The following PLBD1 variants were observed in gnomAD, a reference collection of about 807,000 sequenced individuals.
The protein encoded by PLBD1 is phospholipase B domain containing 1.
A neutral mutation model predicts 63.0 loss-of-function variants in PLBD1; 60 were observed. The ratio of observed to expected loss-of-function variants is 0.95; its 90% CI spans 0.77 to 1.18. PLBD1 has a LOEUF of 1.18. Ranked by LOEUF, PLBD1 falls within the 50% of genes most tolerant of loss-of-function variation. The pLI, the probability that PLBD1 is intolerant of heterozygous loss-of-function variation, is 0.00. For synonymous variants in PLBD1, 262 were observed against 248.0 expected, an observed-to-expected ratio of 1.06 and a Z score of -0.53; for missense variants, 598 against 677.9, an observed-to-expected ratio of 0.88 and a Z score of 1.31.
chr12:14,553,065 T>G, intron 2 of PLBD1, 128 bp downstream of exon 2: 1 of 852,514 alleles, frequency 1.2e-6, no homozygotes, highest in East Asian at 2.7e-5. Flanking sequence ...ATAATGTCTC[T>G]ATCACACATG....
intron 4 of PLBD1, among the ~76,000 whole-genome samples, chr12:14,538,889 G>A (rs1254090141): frequency 6.6e-6 from 1 of 152,116 alleles, no homozygotes; most frequent in African/African-American, 2.4e-5. Flanking sequence ...AGCCGGGCAT[G>A]GTGGCGCATG....
chr12:14,530,497 AAAAG>A (rs1300903596), intron 6 of PLBD1, among the ~76,000 whole-genome samples: 2 of 152,262 alleles, frequency 1.3e-5, no homozygotes, highest in African/African-American at 4.8e-5. Flanking sequence ...AACAACTGAA[AAAAG>A]AATAAAAAAC....
chr12:14,563,406 T>C lies in PLBD1; in HGVS notation c.115+4176A>G, dbSNP rs533302659. Among the ~76,000 whole-genome samples the C allele has an allele frequency of 3.3e-5, 5 of 152,100 alleles. No homozygotes were observed. In the East Asian group the frequency reaches 7.7e-4, roughly 23 times the overall value. ...TGGTGGTGCATGCCTGTATCCCAGT[T>C]ACTCGGGAGGCTGAGGCATGAGAAT... On this transcript the variant is annotated intron_variant, in intron 1 of 10. Transcript: ENST00000240617.
At chr12:14,549,602 C>A (rs1383453774) in intron 2 of PLBD1, among the ~76,000 whole-genome samples, 1 of 152,152 alleles carries the variant, frequency 6.6e-6, no homozygotes. Context: ...CACACATGGC[C>A]CCCATTTGCC....
chr12:14,556,700 A>G (rs556659127), intron 1 of PLBD1, among the ~76,000 whole-genome samples: 2 of 150,542 alleles, frequency 1.3e-5, no homozygotes, highest in South Asian at 4.2e-4. Context: ...AAGATTGTCT[A>G]TCAGCCAGGT....
intron 1 of PLBD1, among the ~76,000 whole-genome samples, chr12:14,563,962 G>A (rs1243328384): frequency 2.6e-5 from 4 of 152,238 alleles, no homozygotes; most frequent in Admixed American, 2.6e-4. Context: ...TCAGAGACCA[G>A]GTGCAGTGGC....
chr12:14,548,457 C>CAAAAAAA (rs56119793), intron 2 of PLBD1, among the ~76,000 whole-genome samples: 1 of 68,372 alleles, frequency 1.5e-5, no homozygotes, highest in African/African-American at 5.3e-5. Flanking sequence ...ACTCCATCTC[C>CAAAAAAA]AAAAAAAAAA....
At chr12:14,547,180 T>TTGTG (rs56182227) in intron 2 of PLBD1, among the ~76,000 whole-genome samples, 15,344 of 138,000 alleles carry the variant, frequency 0.11, 892 homozygotes, top group Middle Eastern at 0.14. Context: ...GCACCTGGCT[T>TTGTG]TGTGTGTGTG....
At chr12:14,517,041 A>G (rs1012675775) in intron 6 of PLBD1, among the ~76,000 whole-genome samples, 3 of 152,152 alleles carry the variant, frequency 2.0e-5, no homozygotes, top group Non-Finnish European at 2.9e-5. Context: ...GCCATCTCAA[A>G]CAAAAAAAAA....
At position 14,506,796 on chromosome 12, in the gene PLBD1, T is replaced by C. The variant is rs759699208; in HGVS notation, c.1372+137A>G. The C allele has an allele frequency of 4.7e-4, 314 of 665,926 alleles. 1 individual carries two copies. Among genetic ancestry groups the C allele is most frequent in the Middle Eastern group, 1.6e-3 (4 of 2,444 alleles). The allele number at this position is 665,926 out of a possible 1,614,324, so 41.3% of individuals were successfully genotyped here. On this transcript the variant is annotated intron_variant, in intron 9 of 10. Coordinates refer to ENST00000240617, the MANE Select transcript of PLBD1 (RefSeq NM_024829.6). ...AAAGCTCTATTTATTGAGTATAAAA[T>C]GTACAATATTAGTTAAATACTTAAA...
chr12:14,541,918 A>AC (rs1945575077), intron 3 of PLBD1, among the ~76,000 whole-genome samples: 1 of 152,204 alleles, frequency 6.6e-6, no homozygotes, highest in African/African-American at 2.4e-5. Flanking sequence ...TGAGGAACAG[A>AC]CCCAGGGACT....
intron 2 of PLBD1, among the ~76,000 whole-genome samples, chr12:14,547,858 TG>T (rs1236715270): frequency 1.3e-5 from 2 of 152,156 alleles, no homozygotes; most frequent in Non-Finnish European, 2.9e-5. Context: ...CATTTGTCTG[TG>T]GTAGCGGGGC....
rs143183040 is a variant in PLBD1 at position 14,542,242 on chromosome 12, G to T, written c.385C>A (p.Pro129Thr). 1,495 of 1,610,974 alleles carry T rather than the reference G, an allele frequency of 9.3e-4. 14 individuals are homozygous for T. The highest frequency in any genetic ancestry group is 1.0e-3 in the East Asian group (47 of 44,844). The change falls in exon 3 of 11, where the codon CCT (proline) becomes ACT (threonine). Residue 129 changes from proline (P) to threonine (T), a missense_variant. Coordinates refer to ENST00000240617, the MANE Select transcript of PLBD1 (RefSeq NM_024829.6). ...TCCTGCACTTTATCCATGATGGAAG[G>T]TTTCGTGATCAGCTGTGGGTAGAGG... ...TNLYPQLITK[P>T]SIMDKVQDFM...
intron 1 of PLBD1, among the ~76,000 whole-genome samples, chr12:14,565,642 G>A (rs147222671): frequency 6.6e-6 from 1 of 152,228 alleles, no homozygotes; most frequent in African/African-American, 2.4e-5. Context: ...GAGAACACAT[G>A]ACAAGTGAGA....
In PLBD1 at chr12:14,536,622, C is replaced by G. The variant is rs775873111; in HGVS notation, c.647G>C (p.Ser216Thr). 13 of 1,614,202 alleles carry G rather than the reference C, an allele frequency of 8.1e-6. No homozygotes were observed. Among genetic ancestry groups the G allele is most frequent in the Non-Finnish European group, 1.1e-5 (13 of 1,180,032 alleles). The change falls in exon 5 of 11, where the codon AGC (serine) becomes ACC (threonine). Residue 216 changes from serine (S) to threonine (T), a missense_variant. Coordinates refer to ENST00000240617, the MANE Select transcript of PLBD1 (RefSeq NM_024829.6). ...IPSLSPTKNG[S>T]LKVFKRWDMG... ...GTCCCATCTCTTAAAAACCTTTAGGCTGCCGTTTTTTGTGGGAGAGAGTGA... is the reference window on the plus strand; with the variant it reads ...GTCCCATCTCTTAAAAACCTTTAGGGTGCCGTTTTTTGTGGGAGAGAGTGA...
rs557078142 is a variant in PLBD1 at position 14,536,214 on chromosome 12, G to A, written c.699+356C>T. The A allele has an allele frequency of 8.7e-4, 204 of 234,196 alleles. 1 individual carries two copies. Among genetic ancestry groups the A allele is most frequent in the African/African-American group, 4.3e-3 (190 of 43,692 alleles). The allele number at this position is 234,196 out of a possible 1,614,324, so 14.5% of individuals were successfully genotyped here. ...CTCGGGAAGCTGAGGCAGGAGAATC[G>A]CTTGAACCTGGGAGGCAGAGGTTGC... On this transcript the variant is annotated intron_variant, in intron 5 of 10. Transcript: ENST00000240617.
chr12:14,553,083 C>T, intron 2 of PLBD1, 110 bp downstream of exon 2: 1 of 980,690 alleles, frequency 1.0e-6, no homozygotes, highest in Non-Finnish European at 1.6e-6. Flanking sequence ...ATGTGAACTC[C>T]AGCTACTCTT....
chr12:14,556,570 G>A (rs1409185821), intron 1 of PLBD1, among the ~76,000 whole-genome samples: 1 of 151,676 alleles, frequency 6.6e-6, no homozygotes, highest in Non-Finnish European at 1.5e-5. Flanking sequence ...TGTTTCTCCA[G>A]GTTGGTCAGG....
chr12:14,529,969 T>C (rs991856640), intron 6 of PLBD1, among the ~76,000 whole-genome samples: 1 of 152,228 alleles, frequency 6.6e-6, no homozygotes, highest in Admixed American at 6.5e-5. Context: ...ACAAATTCTT[T>C]GGCACCCTTC....
Sources: allele counts gnomAD v4.1 joint callset (sites outside exome capture counted in the v4.1 genomes callset), GRCh38; gene constraint gnomAD v4.1.1; transcripts MANE v1.5; gene names NCBI Gene and HGNC (gene_info 2026-07-23, HGNC 2026-07-21).